Variants in TMEM39A observed in about 807,000 individuals in gnomAD.
The protein encoded by TMEM39A is transmembrane protein 39A.
In TMEM39A, 19 loss-of-function variants were observed where a neutral mutation model predicts 51.9. The observed-to-expected ratio is 0.37, with a 90% CI of 0.26 to 0.54. The LOEUF is 0.54. Among genes scored for constraint, TMEM39A ranks in the 20% least tolerant of loss-of-function variants. TMEM39A has a pLI of 0.88. For missense variants in TMEM39A, 433 were observed against 590.5 expected (o/e 0.73, Z 2.76); for synonymous variants, 197 against 220.2 (o/e 0.89, Z 0.93).
At chr3:119,435,159 T>C (rs1318483981) in intron 7 of TMEM39A, 9 of 985,384 alleles carry the variant, frequency 9.1e-6, no homozygotes, top group Non-Finnish European at 1.1e-5. Context: ...CAGACATAAA[T>C]GTGTAAGCCA....
chr3:119,455,151 T>C (rs954782766), intron 3 of TMEM39A, among the ~76,000 whole-genome samples: 1 of 152,160 alleles, frequency 6.6e-6, no homozygotes, highest in Non-Finnish European at 1.5e-5. Flanking sequence ...AGAAGAAAAC[T>C]TAAAAGACAG....
In TMEM39A at chr3:119,430,704, T is replaced by G. The variant is rs2080887133; in HGVS notation, c.*1277A>C. ...GGTACCTTGGTTTTACAAACACTCC[T>G]CACAATACTTCCCCTTGGTGAAGCC... On this transcript the variant is annotated 3_prime_UTR_variant, in exon 9 of 9. Transcript: ENST00000319172. 6.6e-6 allele frequency: 1 copy of G among 152,184 alleles called. No individual in the cohort carries two copies. The highest frequency in any genetic ancestry group is 2.4e-5 in the African/African-American group (1 of 41,456). The allele number at this position is 152,184 out of a possible 1,614,324, so 9.4% of individuals were successfully genotyped here. A position where few individuals can be genotyped will look rare whatever the true frequency, so the allele number is the denominator to read the frequency against.
At chr3:119,463,267 G>A (rs930964528) in intron 1 of TMEM39A, 69 bp downstream of exon 1, 7 of 272,642 alleles carry the variant, frequency 2.6e-5, no homozygotes, top group Non-Finnish European at 4.1e-5. Context: ...AGCAGTCTCC[G>A]CCGCACACCC....
chr3:119,436,775 C>G lies in TMEM39A; in HGVS notation c.1112+16G>C. 6.3e-7 allele frequency: 1 copy of G among 1,597,386 alleles called. No homozygotes were observed. The highest frequency in any genetic ancestry group is 8.6e-7 in the Non-Finnish European group (1 of 1,168,618). ...TGTAGAAAGTGTTACATGGTTTTACCCTCTAGCTTACTCACATGTGCTGTG... is the reference window on the plus strand; with the variant it reads ...TGTAGAAAGTGTTACATGGTTTTACGCTCTAGCTTACTCACATGTGCTGTG... On this transcript the variant is annotated intron_variant, in intron 7 of 8. Coordinates refer to ENST00000319172, the MANE Select transcript of TMEM39A (RefSeq NM_018266.3).
chr3:119,452,825 T>C (rs2081218102), intron 3 of TMEM39A, among the ~76,000 whole-genome samples: 1 of 152,238 alleles, frequency 6.6e-6, no homozygotes, highest in African/African-American at 2.4e-5. Context: ...TAACAAGTTA[T>C]AACCTGCAGA....
chr3:119,458,000 AG>A lies in TMEM39A; in HGVS notation c.336+17del. On this transcript the variant is annotated intron_variant, in intron 3 of 8. Transcript: ENST00000319172. ...TGGGTAAGTAACATGAAGAACTTAA[AG>A]TCTGAGTAAGACTTACCAGTGATGT... The A allele has an allele frequency of 6.3e-7, 1 of 1,581,872 alleles. No individual in the cohort carries two copies. The highest frequency in any genetic ancestry group is 8.7e-7 in the Non-Finnish European group (1 of 1,153,400).
At position 119,437,986 on chromosome 3, in the gene TMEM39A, C is replaced by T; in HGVS notation, c.693G>A (p.Val231=). The T allele has an allele frequency of 6.2e-7, 1 of 1,614,170 alleles. No homozygotes were observed. The highest frequency in any genetic ancestry group is 1.1e-5 in the South Asian group (1 of 91,088). The change falls in exon 6 of 9, where the codon GTG becomes GTA. Residue 231 remains valine (V), a synonymous_variant. Coordinates refer to ENST00000319172, the MANE Select transcript of TMEM39A (RefSeq NM_018266.3). ...HEAVEESAST[V]GGLAKSKDFL... is the part of the protein sequence containing the mutation. ...AGTCTTTGGATTTGGCCAAGCCTCC[C>T]ACAGTCGAGGCACTTTCCTCTACTG...
chr3:119,458,942 T>C (rs1010513272), intron 2 of TMEM39A, among the ~76,000 whole-genome samples: 1 of 152,116 alleles, frequency 6.6e-6, no homozygotes, highest in Non-Finnish European at 1.5e-5. Flanking sequence ...TAAGAATCTA[T>C]TCAGAACCCA....
In TMEM39A at chr3:119,450,856, T is replaced by C. The variant is rs577292175; in HGVS notation, c.420+1591A>G. On this transcript the variant is annotated intron_variant, in intron 4 of 8. Coordinates refer to ENST00000319172, the MANE Select transcript of TMEM39A (RefSeq NM_018266.3). The stretch of plus-strand genomic sequence containing the variant: ...AAAAAAAAAAAAAAAAAAAAAGAAT[T>C]GCAAGCCTATTCCAACTAAGGCTAT... Among the ~76,000 whole-genome samples the C allele has an allele frequency of 1.8e-3, 205 of 116,932 alleles. 1 individual carries two copies. The highest frequency in any genetic ancestry group is 7.1e-3 in the African/African-American group (195 of 27,296). The allele number at this position is 116,932 out of a possible 152,430, so 76.7% of individuals were successfully genotyped here.
intron 3 of TMEM39A, among the ~76,000 whole-genome samples, chr3:119,455,428 C>T (rs1455879678): frequency 6.6e-6 from 1 of 152,224 alleles, no homozygotes; most frequent in Non-Finnish European, 1.5e-5. Context: ...ATCTACTCTA[C>T]AACCTCCATT....
At chr3:119,439,193 T>A (rs2081016239) in intron 5 of TMEM39A, among the ~76,000 whole-genome samples, 1 of 152,234 alleles carries the variant, frequency 6.6e-6, no homozygotes, top group Non-Finnish European at 1.5e-5. Context: ...ATACTTCAAG[T>A]CCTCATTAAG....
At chr3:119,449,710 A>AT (rs1476876275) in intron 4 of TMEM39A, among the ~76,000 whole-genome samples, 1 of 152,062 alleles carries the variant, frequency 6.6e-6, no homozygotes, top group Non-Finnish European at 1.5e-5. Flanking sequence ...TGTTTTCCAA[A>AT]TTTTTTTCAA....
chr3:119,446,026 A>G (rs866180609), intron 5 of TMEM39A, among the ~76,000 whole-genome samples: 1 of 152,296 alleles, frequency 6.6e-6, no homozygotes, highest in Middle Eastern at 3.4e-3. Context: ...GTTTTTTCCT[A>G]TACTATATAC....
At position 119,438,166 on chromosome 3, in the gene TMEM39A, C is replaced by G; in HGVS notation, c.576-63G>C. The G allele has an allele frequency of 2.3e-6, 3 of 1,295,064 alleles. No homozygotes were observed. In the South Asian group the frequency reaches 4.4e-5, roughly 19 times the overall value. The allele number at this position is 1,295,064 out of a possible 1,614,324, so 80.2% of individuals were successfully genotyped here. Reference sequence around the variant, plus strand: ...ACCTAAAATCACACCTTATAACTTACGTCAATATAACTTATAACTTAGGTC... The same window carrying G: ...ACCTAAAATCACACCTTATAACTTAGGTCAATATAACTTATAACTTAGGTC... On this transcript the variant is annotated intron_variant, in intron 5 of 8. Transcript: ENST00000319172.
rs541127648 is a variant in TMEM39A at position 119,445,560 on chromosome 3, C to T, written c.575+1458G>A. Among the ~76,000 whole-genome samples the T allele has an allele frequency of 3.4e-3, 524 of 152,202 alleles. 3 individuals are homozygous for T. Among genetic ancestry groups the T allele is most frequent in the African/African-American group, 0.012 (495 of 41,518 alleles). On this transcript the variant is annotated intron_variant, in intron 5 of 8. Coordinates refer to ENST00000319172, the MANE Select transcript of TMEM39A (RefSeq NM_018266.3). ...GATTACAGGCTTGAGCCACCGCGCC[C>T]GGCGGGAATTTTATTTATATGAATT... is the stretch of plus-strand genomic sequence containing the variant.
In TMEM39A at chr3:119,447,714, T is replaced by G. The variant is rs987883021; in HGVS notation, c.421-542A>C. Among the ~76,000 whole-genome samples, 16 of 152,142 alleles carry G rather than the reference T, an allele frequency of 1.1e-4. 1 individual carries two copies. On this transcript the variant is annotated intron_variant, in intron 4 of 8. Transcript: ENST00000319172. Reference sequence around the variant, plus strand: ...ATCTTGGCTCACTGCAACCTCTGCCTCCTGGGTTCAAGCGGTTCTCCTGCC... The same window carrying G: ...ATCTTGGCTCACTGCAACCTCTGCCGCCTGGGTTCAAGCGGTTCTCCTGCC...
chr3:119,438,011 G>A lies in TMEM39A; in HGVS notation c.668C>T (p.Ala223Val), dbSNP rs141781748. ...CACAGTCGAGGCACTTTCCTCTACT[G>A]CCTCGTGCTGAACCACATAGTTGTA... The part of the protein sequence containing the change: ...TDYNYVVQHE[A>V]VEESASTVGG... The change falls in exon 6 of 9, where the codon GCA (alanine) becomes GTA (valine). Residue 223 changes from alanine (A) to valine (V), a missense_variant. Transcript: ENST00000319172. The A allele has an allele frequency of 6.2e-7, 1 of 1,614,118 alleles. No individual in the cohort carries two copies. Among genetic ancestry groups the A allele is most frequent in the Non-Finnish European group, 8.5e-7 (1 of 1,180,002 alleles).
chr3:119,460,859 T>A (rs1170351825), intron 2 of TMEM39A, among the ~76,000 whole-genome samples: 2 of 152,214 alleles, frequency 1.3e-5, no homozygotes, highest in Admixed American at 6.5e-5. Context: ...TTAAGGCATG[T>A]ACCTCAAAGA....
intron 4 of TMEM39A, 65 bp from the exon 5 acceptor site, chr3:119,447,237 C>T (rs1334881517): frequency 2.0e-5 from 30 of 1,537,498 alleles, no homozygotes; most frequent in African/African-American, 5.5e-5. Context: ...CATTGTAATT[C>T]AAGTAAGAAC....
Sources: gnomAD v4.1 joint callset for allele counts (sites outside exome capture counted in the v4.1 genomes callset) on GRCh38, gnomAD v4.1.1 for gene constraint, MANE v1.5 for transcripts, NCBI Gene and HGNC (gene_info 2026-07-23, HGNC 2026-07-21) for gene names.